Variants in APAF1 observed in about 807,000 individuals in gnomAD.
The protein encoded by APAF1 is apoptotic peptidase activating factor 1.
Under a neutral mutation model 152.4 loss-of-function variants are expected in APAF1, and 91 were observed. That is an observed-to-expected ratio of 0.60 (90% CI 0.50 to 0.71). The LOEUF is 0.71. Among genes scored for constraint, APAF1 ranks in the 30% least tolerant of loss-of-function variants. The probability of loss-of-function intolerance (pLI) is 0.00; values close to 1 mark genes in which losing one functional copy is unlikely to be tolerated. For synonymous variants in APAF1, 484 were observed against 494.1 expected, an observed-to-expected ratio of 0.98 and a Z score of 0.27; for missense variants, 1,283 against 1,472.0, an observed-to-expected ratio of 0.87 and a Z score of 2.10.
chr12:98,707,564 C>T (rs908898314), intron 19 of APAF1, among the ~76,000 whole-genome samples: 8 of 152,018 alleles, frequency 5.3e-5, no homozygotes, highest in African/African-American at 1.7e-4. Flanking sequence ...ATTGACGTAT[C>T]TTACATTATA....
chr12:98,696,148 T>C (rs2097709596), intron 16 of APAF1, among the ~76,000 whole-genome samples: 1 of 152,192 alleles, frequency 6.6e-6, no homozygotes, highest in South Asian at 2.1e-4. Context: ...TACCTGAGAC[T>C]GGGTAATTTA....
intron 24 of APAF1, among the ~76,000 whole-genome samples, chr12:98,724,236 T>C (rs1322410020): frequency 6.6e-6 from 1 of 152,216 alleles, no homozygotes; most frequent in Non-Finnish European, 1.5e-5. Flanking sequence ...GGCTGTATCC[T>C]GTCTTTTGTG....
chr12:98,659,158 A>T lies in APAF1; in HGVS notation c.527-2A>T. ...TAAGTTCATTATTCTTTCCCTCACT[A>T]GGTTGTTTCCCAGGGGGAGTGCATT... On this transcript the variant is annotated splice_acceptor_variant, in intron 4 of 26. Coordinates refer to ENST00000551964, the MANE Select transcript of APAF1 (RefSeq NM_181861.2). LOFTEE classifies it high-confidence loss of function. 6.2e-7 allele frequency: 1 copy of T among 1,614,102 alleles called. No individual in the cohort carries two copies.
At chr12:98,676,349 A>G (rs1336209935) in intron 12 of APAF1, among the ~76,000 whole-genome samples, 1 of 151,728 alleles carries the variant, frequency 6.6e-6, no homozygotes, top group Non-Finnish European at 1.5e-5. Flanking sequence ...AGCTAGGATT[A>G]CAGGTGTGTG....
chr12:98,692,384 A>G (rs1296865157), intron 16 of APAF1, among the ~76,000 whole-genome samples: 1 of 152,070 alleles, frequency 6.6e-6, no homozygotes, highest in African/African-American at 2.4e-5. Flanking sequence ...CACCCAGCCT[A>G]TGTTTCATGA....
In APAF1 at chr12:98,682,179, G is replaced by A. The variant is rs916280713; in HGVS notation, c.2047-964G>A. Among the ~76,000 whole-genome samples, 5 of 148,148 alleles carry A rather than the reference G, an allele frequency of 3.4e-5. No homozygotes were observed. The East Asian group carries it at 1.0e-3, about 31-fold the overall frequency. On this transcript the variant is annotated intron_variant, in intron 14 of 26. Coordinates refer to ENST00000551964, the MANE Select transcript of APAF1 (RefSeq NM_181861.2). ...TGCCATTCTCCTGCCTCAGCCTCCC[G>A]AGTAGCTGGGACTACAGGCGGCCGC...
At chr12:98,713,179 C>T (rs2097730041) in intron 21 of APAF1, among the ~76,000 whole-genome samples, 6 of 152,210 alleles carry the variant, frequency 3.9e-5, no homozygotes, top group Admixed American at 2.0e-4. Flanking sequence ...GTTCGTTAAA[C>T]TAACAATCAT....
chr12:98,690,270 T>C (rs549445654), intron 16 of APAF1, among the ~76,000 whole-genome samples: 4 of 152,308 alleles, frequency 2.6e-5, no homozygotes, highest in South Asian at 2.1e-4. Context: ...AATTCTACTT[T>C]GTAGAGTTTA....
intron 4 of APAF1, among the ~76,000 whole-genome samples, chr12:98,655,305 C>T (rs1181608777): frequency 6.0e-5 from 9 of 151,148 alleles, no homozygotes; most frequent in Non-Finnish European, 7.4e-5. Context: ...TCCATAAAGC[C>T]GCCATTGTCA....
chr12:98,699,917 C>A (rs1188996054), intron 17 of APAF1, among the ~76,000 whole-genome samples: 5 of 152,182 alleles, frequency 3.3e-5, no homozygotes, highest in African/African-American at 1.2e-4. Flanking sequence ...AGAATGCTTT[C>A]TTCATCACTC....
chr12:98,646,250 A>G (rs1367528099), intron 1 of APAF1, among the ~76,000 whole-genome samples: 1 of 152,238 alleles, frequency 6.6e-6, no homozygotes, highest in African/African-American at 2.4e-5. Flanking sequence ...GTTTTTTCAC[A>G]TCGAATTTCA....
At chr12:98,700,889 A>C (rs990797673) in intron 17 of APAF1, among the ~76,000 whole-genome samples, 3 of 152,176 alleles carry the variant, frequency 2.0e-5, no homozygotes, top group Middle Eastern at 3.2e-3. Flanking sequence ...CATTTCATTG[A>C]GCATGTTTTC....
At chr12:98,702,550 C>T (rs1240876874) in intron 17 of APAF1, among the ~76,000 whole-genome samples, 5 of 151,888 alleles carry the variant, frequency 3.3e-5, no homozygotes, top group African/African-American at 9.7e-5. Flanking sequence ...TGCGGCTGGG[C>T]GTGGTGGCTC....
rs368037586 is a variant in APAF1 at position 98,704,944 on chromosome 12, T to C, written c.2595+1445T>C. Among the ~76,000 whole-genome samples, 3 of 151,968 alleles carry C rather than the reference T, an allele frequency of 2.0e-5. No homozygotes were observed. In the East Asian group the frequency reaches 5.8e-4, roughly 29 times the overall value. On this transcript the variant is annotated intron_variant, in intron 18 of 26. Transcript: ENST00000551964. ...ACAGGTGCCCACCAGCATGCCCGGC[T>C]AATTTTTTTTTGTATTTTTCATGGA... is the stretch of plus-strand genomic sequence containing the variant.
chr12:98,659,162 T>A lies in APAF1; in HGVS notation c.529T>A (p.Cys177Ser). The A allele has an allele frequency of 6.2e-7, 1 of 1,614,214 alleles. No individual in the cohort carries two copies. Among genetic ancestry groups the A allele is most frequent in the Non-Finnish European group, 8.5e-7 (1 of 1,180,006 alleles). The change falls in exon 5 of 27, where the codon TGT (cysteine) becomes AGT (serine). Residue 177 changes from cysteine to serine, a missense_variant and splice_region_variant. Physicochemically the swap from Cys to Ser is moderately radical, Grantham distance 112. Coordinates refer to ENST00000551964, the MANE Select transcript of APAF1 (RefSeq NM_181861.2). ...AVRDHSLLEG[C>S]FPGGVHWVSV... ...TTCATTATTCTTTCCCTCACTAGGT[T>A]GTTTCCCAGGGGGAGTGCATTGGGT...
chr12:98,703,341 C>T (rs756772271), intron 17 of APAF1, 30 bp from the exon 18 acceptor site: 1 of 1,612,286 alleles, frequency 6.2e-7, no homozygotes, highest in Admixed American at 1.7e-5. Context: ...AGTATTTTAC[C>T]TTCATAGGTA....
chr12:98,647,379 GT>G (rs576318298), intron 1 of APAF1, among the ~76,000 whole-genome samples: 20 of 146,984 alleles, frequency 1.4e-4, no homozygotes, highest in South Asian at 2.1e-4. Context: ...ACCAACACTT[GT>G]TTTTTTTTTT....
intron 8 of APAF1, 54 bp downstream of exon 8, chr12:98,665,845 T>C: frequency 1.4e-6 from 2 of 1,403,306 alleles, no homozygotes; most frequent in Non-Finnish European, 1.0e-6. Context: ...TAAGCTTTGA[T>C]ATAGTACTGA....
intron 21 of APAF1, among the ~76,000 whole-genome samples, chr12:98,714,443 T>A (rs1166054860): frequency 6.6e-6 from 1 of 152,260 alleles, no homozygotes; most frequent in African/African-American, 2.4e-5. Context: ...CATTGAATTC[T>A]TATAACATCC....
Sources: allele counts gnomAD v4.1 joint callset (sites outside exome capture counted in the v4.1 genomes callset), GRCh38; gene constraint gnomAD v4.1.1; transcripts MANE v1.5; gene names NCBI Gene and HGNC (gene_info 2026-07-23, HGNC 2026-07-21).